Variants in ADIPOR2 observed in about 807,000 individuals in gnomAD.
ADIPOR2 encodes adiponectin receptor protein 2.
In ADIPOR2, 18 loss-of-function variants were observed where a neutral mutation model predicts 40.9. The observed-to-expected ratio is 0.44, with a 90% confidence interval of 0.30 to 0.65. ADIPOR2 has a LOEUF of 0.65. ADIPOR2 is among the 30% of genes least tolerant of loss of function. The pLI is 0.09. For missense variants in ADIPOR2, 283 were observed against 479.2 expected (o/e 0.59, Z 3.82); for synonymous variants, 165 against 166.4 (o/e 0.99, Z 0.06).
intron 7 of ADIPOR2, 21 bp downstream of exon 7, chr12:1,784,094 G>T (rs763692152): frequency 6.5e-7 from 1 of 1,548,044 alleles, no homozygotes; most frequent in Non-Finnish European, 8.7e-7. Context: ...CGGGGTGACT[G>T]AGTGTGTAGG....
At chr12:1,759,619 C>G (rs996712426) in intron 2 of ADIPOR2, among the ~76,000 whole-genome samples, 2 of 152,138 alleles carry the variant, frequency 1.3e-5, no homozygotes, top group Non-Finnish European at 2.9e-5. Flanking sequence ...ACATATTGCC[C>G]TTTATAGAAA....
At chr12:1,730,014 A>C (rs1014977241) in intron 1 of ADIPOR2, among the ~76,000 whole-genome samples, 2 of 152,168 alleles carry the variant, frequency 1.3e-5, no homozygotes, top group African/African-American at 4.8e-5. Flanking sequence ...ACAACAAAAA[A>C]AGGTGAGGGA....
intron 1 of ADIPOR2, among the ~76,000 whole-genome samples, chr12:1,741,322 T>TA (rs2094742435): frequency 6.6e-6 from 1 of 151,982 alleles, no homozygotes; most frequent in Non-Finnish European, 1.5e-5. Context: ...AGGTCAGAGA[T>TA]ATTGGTGGTT....
At chr12:1,741,115 C>T (rs574575430) in intron 1 of ADIPOR2, among the ~76,000 whole-genome samples, 1 of 152,092 alleles carries the variant, frequency 6.6e-6, no homozygotes, top group Non-Finnish European at 1.5e-5. Context: ...GGGGCAAAAT[C>T]ATTAAGGGCC....
At chr12:1,739,725 C>G (rs1449799901) in intron 1 of ADIPOR2, among the ~76,000 whole-genome samples, 1 of 152,098 alleles carries the variant, frequency 6.6e-6, no homozygotes, top group African/African-American at 2.4e-5. Context: ...GTTTGTTGAG[C>G]CTTCTTTAGA....
At chr12:1,757,068 A>G (rs901051862) in intron 2 of ADIPOR2, among the ~76,000 whole-genome samples, 21 of 152,214 alleles carry the variant, frequency 1.4e-4, no homozygotes, top group African/African-American at 3.1e-4. Flanking sequence ...TTTCTTAACT[A>G]TTTTTAAAAC....
At chr12:1,747,338 C>T (rs913528337) in intron 1 of ADIPOR2, among the ~76,000 whole-genome samples, 1 of 152,242 alleles carries the variant, frequency 6.6e-6, no homozygotes, top group South Asian at 2.1e-4. Context: ...TGGAAATTAA[C>T]ACACTTAACC....
intron 1 of ADIPOR2, among the ~76,000 whole-genome samples, chr12:1,694,966 A>G (rs974336141): frequency 9.6e-5 from 14 of 146,112 alleles, no homozygotes; most frequent in Non-Finnish European, 9.1e-5. Flanking sequence ...ATATGTTGTT[A>G]TTTATTGGTC....
intron 1 of ADIPOR2, among the ~76,000 whole-genome samples, chr12:1,722,804 T>G (rs937410954): frequency 1.3e-5 from 2 of 152,234 alleles, no homozygotes; most frequent in African/African-American, 4.8e-5. Context: ...ATACTTTTCC[T>G]TCTGTGACAT....
At chr12:1,695,890 C>G (rs974479864) in intron 1 of ADIPOR2, 1 of 151,826 alleles carries the variant, frequency 6.6e-6, no homozygotes, top group Non-Finnish European at 1.5e-5. Flanking sequence ...ATAGTGGCAG[C>G]AGCTTTTCCC....
At chr12:1,752,230 C>CTTTTT (rs67598229) in intron 1 of ADIPOR2, among the ~76,000 whole-genome samples, 10,872 of 74,576 alleles carry the variant, frequency 0.15, 2,011 homozygotes, top group African/African-American at 0.23. Flanking sequence ...CTCCTGGCCT[C>CTTTTT]TTTTTTTTTT....
At chr12:1,740,906 A>G (rs1400355586) in intron 1 of ADIPOR2, among the ~76,000 whole-genome samples, 1 of 152,218 alleles carries the variant, frequency 6.6e-6, no homozygotes, top group Non-Finnish European at 1.5e-5. Flanking sequence ...TAGAATGATT[A>G]GTGTGACGGG....
At chr12:1,754,586 A>C in intron 2 of ADIPOR2, 72 bp downstream of exon 2, 1 of 1,439,460 alleles carries the variant, frequency 6.9e-7, no homozygotes, top group South Asian at 1.5e-5. Flanking sequence ...GATATGGGGA[A>C]AAAAAAGTGG....
chr12:1,731,571 T>C (rs763435219), intron 1 of ADIPOR2, among the ~76,000 whole-genome samples: 1 of 152,238 alleles, frequency 6.6e-6, no homozygotes, highest in African/African-American at 2.4e-5. Context: ...TCAGTTTGCC[T>C]GTTCTAAGTA....
chr12:1,735,105 A>C (rs957586668), intron 1 of ADIPOR2, among the ~76,000 whole-genome samples: 1 of 152,140 alleles, frequency 6.6e-6, no homozygotes, highest in Non-Finnish European at 1.5e-5. Context: ...TATGAACTTT[A>C]AAGTAGTTTT....
chr12:1,730,643 C>T (rs1174675367), intron 1 of ADIPOR2: 1 of 144,180 alleles, frequency 6.9e-6, no homozygotes, highest in African/African-American at 2.5e-5. Context: ...AAAAACCAAA[C>T]AACACTTGTT....
intron 1 of ADIPOR2, among the ~76,000 whole-genome samples, chr12:1,728,769 A>G (rs1478071673): frequency 1.3e-5 from 2 of 152,080 alleles, no homozygotes; most frequent in Non-Finnish European, 1.5e-5. Flanking sequence ...GCTCTGCATG[A>G]TACAATACAG....
intron 1 of ADIPOR2, among the ~76,000 whole-genome samples, chr12:1,745,384 C>T (rs2094752771): frequency 6.6e-6 from 1 of 152,164 alleles, no homozygotes; most frequent in South Asian, 2.1e-4. Flanking sequence ...GATCTGAGCA[C>T]AATGGTTTTA....
intron 1 of ADIPOR2, among the ~76,000 whole-genome samples, chr12:1,708,070 T>G (rs965038935): frequency 6.6e-6 from 1 of 151,790 alleles, no homozygotes; most frequent in African/African-American, 2.4e-5. Flanking sequence ...TAAAAAATAA[T>G]ACAAATAAAA....
Sources: gnomAD v4.1 joint callset for allele counts (sites outside exome capture counted in the v4.1 genomes callset) on GRCh38, gnomAD v4.1.1 for gene constraint, MANE v1.5 for transcripts, NCBI Gene and HGNC (gene_info 2026-07-23, HGNC 2026-07-21) for gene names.